The following SLC35D4 variants were observed in gnomAD, a reference collection of about 807,000 sequenced individuals.
The protein encoded by SLC35D4 is solute carrier family 35 member D4, also known as UDP-N-acetylglucosamine transporter SLC35D4.
At chr18:23,259,129 G>A in the SLC35D4 span, 2 of 152,178 alleles carry the variant, frequency 1.3e-5, no homozygotes, top group South Asian at 2.1e-4. Context: ...TGCCTCCATC[G>A]CCTGAACTAC....
At chr18:23,283,989 C>T in the SLC35D4 span, among the ~76,000 whole-genome samples, 1 of 152,186 alleles carries the variant, frequency 6.6e-6, no homozygotes, top group Non-Finnish European at 1.5e-5. Flanking sequence ...AAGGTTCCTC[C>T]CCTTTTAGAC....
chr18:23,274,164 C>T, the SLC35D4 span, among the ~76,000 whole-genome samples: 3 of 152,158 alleles, frequency 2.0e-5, no homozygotes, highest in Non-Finnish European at 1.5e-5. Flanking sequence ...ACAAACTCCT[C>T]GTCTCAAGCA....
chr18:23,333,790 T>G, the SLC35D4 span, among the ~76,000 whole-genome samples: 1 of 152,216 alleles, frequency 6.6e-6, no homozygotes, highest in Non-Finnish European at 1.5e-5. Flanking sequence ...AATCTAACAT[T>G]GAAAAAGTAA....
At chr18:23,411,698 A>G in the SLC35D4 span, among the ~76,000 whole-genome samples, 1 of 152,186 alleles carries the variant, frequency 6.6e-6, no homozygotes, top group Non-Finnish European at 1.5e-5. Context: ...CAAATACTGC[A>G]TCTTGTTTGA....
At chr18:23,305,219 C>G in the SLC35D4 span, among the ~76,000 whole-genome samples, 115,654 of 152,200 alleles carry the variant, frequency 0.76, 44,285 homozygotes, top group Middle Eastern at 0.88. Flanking sequence ...ACTGTCTTGT[C>G]CTGGGTGACG....
chr18:23,353,075 CAG>C, the SLC35D4 span, among the ~76,000 whole-genome samples: 413 of 65,052 alleles, frequency 6.3e-3, 3 homozygotes, highest in African/African-American at 0.022. Context: ...GTGAGACAGA[CAG>C]TGTGTGTGTG....
At chr18:23,377,101 A>G in the SLC35D4 span, among the ~76,000 whole-genome samples, 1 of 152,196 alleles carries the variant, frequency 6.6e-6, no homozygotes, top group African/African-American at 2.4e-5. Flanking sequence ...AGTCAGATGC[A>G]AGGCACCCAG....
chr18:23,277,962 A>T, the SLC35D4 span, among the ~76,000 whole-genome samples: 3 of 152,216 alleles, frequency 2.0e-5, no homozygotes, highest in Non-Finnish European at 2.9e-5. Context: ...ACACTTCTTA[A>T]GGTCTAGACT....
At chr18:23,290,646 A>G in the SLC35D4 span, among the ~76,000 whole-genome samples, 1 of 129,938 alleles carries the variant, frequency 7.7e-6, no homozygotes, top group Non-Finnish European at 1.6e-5. Flanking sequence ...TTTTTTTTTG[A>G]GATGGAGTCT....
the SLC35D4 span, among the ~76,000 whole-genome samples, chr18:23,283,213 G>A: frequency 1.3e-5 from 2 of 152,244 alleles, no homozygotes; most frequent in South Asian, 4.1e-4. Context: ...AAGGCCGGGC[G>A]TAGTGGCTCA....
chr18:23,328,319 C>T, the SLC35D4 span, among the ~76,000 whole-genome samples: 2 of 152,138 alleles, frequency 1.3e-5, no homozygotes, highest in Non-Finnish European at 2.9e-5. Context: ...TGTCTCAGCT[C>T]AAAATCTCCT....
the SLC35D4 span, among the ~76,000 whole-genome samples, chr18:23,270,739 A>G: frequency 3.3e-5 from 5 of 152,232 alleles, no homozygotes; most frequent in South Asian, 4.1e-4. Context: ...CTGGTCTCCT[A>G]CACAGCCGGC....
At chr18:23,314,922 T>C in the SLC35D4 span, among the ~76,000 whole-genome samples, 1 of 152,258 alleles carries the variant, frequency 6.6e-6, no homozygotes, top group African/African-American at 2.4e-5. Flanking sequence ...CTCTGTGTTA[T>C]TTAAACAGAT....
At chr18:23,382,762 G>A in the SLC35D4 span, among the ~76,000 whole-genome samples, 1 of 152,240 alleles carries the variant, frequency 6.6e-6, no homozygotes, top group African/African-American at 2.4e-5. Flanking sequence ...CAGCCCAAGT[G>A]CCGAGAGGCC....
At chr18:23,361,358 A>T in the SLC35D4 span, among the ~76,000 whole-genome samples, 1 of 152,012 alleles carries the variant, frequency 6.6e-6, no homozygotes, top group African/African-American at 2.4e-5. Flanking sequence ...AGTGAAAAAG[A>T]ATAAAGTTCT....
the SLC35D4 span, chr18:23,373,709 T>C: frequency 1.9e-6 from 3 of 1,613,634 alleles, no homozygotes; most frequent in Non-Finnish European, 8.5e-7. Context: ...CACTTGGACT[T>C]ACCTGGGAGT....
chr18:23,357,893 C>A, the SLC35D4 span, among the ~76,000 whole-genome samples: 1 of 152,222 alleles, frequency 6.6e-6, no homozygotes, highest in Non-Finnish European at 1.5e-5. Flanking sequence ...TGAAGCCCAA[C>A]AAGATTTCTT....
chr18:23,276,519 G>C, the SLC35D4 span, among the ~76,000 whole-genome samples: 1 of 151,966 alleles, frequency 6.6e-6, no homozygotes, highest in Non-Finnish European at 1.5e-5. Context: ...GCAGAGTGGG[G>C]CCCCAGCCTG....
chr18:23,424,856 C>A, the SLC35D4 span, among the ~76,000 whole-genome samples: 1 of 152,046 alleles, frequency 6.6e-6, no homozygotes, highest in African/African-American at 2.4e-5. Context: ...CCTGCCTCTA[C>A]AAAAACAAAC....
Sources: allele counts gnomAD v4.1 joint callset (sites outside exome capture counted in the v4.1 genomes callset), GRCh38; gene constraint gnomAD v4.1.1; transcripts MANE v1.5; gene names NCBI Gene and HGNC (gene_info 2026-07-23, HGNC 2026-07-21).